Variants in GFRA1 observed in about 807,000 individuals in gnomAD.
GFRA1 encodes GDNF family receptor alpha 1, also known as GDNF family receptor alpha-1.
In GFRA1, 16 loss-of-function variants were observed where a neutral mutation model predicts 51.6. The ratio of observed to expected loss-of-function variants is 0.31; its 90% CI spans 0.21 to 0.47. GFRA1 has a LOEUF of 0.47. Among genes scored for constraint, GFRA1 ranks in the 20% least tolerant of loss-of-function variants. The pLI, the probability that GFRA1 is intolerant of heterozygous loss-of-function variation, is 1.00. For missense variants in GFRA1, 530 were observed against 594.3 expected (o/e 0.89, Z 1.13); for synonymous variants, 270 against 241.3 (o/e 1.12, Z -1.10).
intron 5 of GFRA1, among the ~76,000 whole-genome samples, chr10:116,135,351 C>G (rs996354451): frequency 1.7e-4 from 26 of 152,186 alleles, no homozygotes; most frequent in African/African-American, 6.3e-4. Flanking sequence ...TTTAACTTAG[C>G]ATTTAAATCC....
chr10:116,123,138 G>A (rs1000688080), intron 6 of GFRA1, among the ~76,000 whole-genome samples: 3 of 152,182 alleles, frequency 2.0e-5, no homozygotes, highest in African/African-American at 7.2e-5. Flanking sequence ...TCAGCAGAGG[G>A]TGCTTCGACA....
intron 5 of GFRA1, among the ~76,000 whole-genome samples, chr10:116,138,643 C>A (rs183374380): frequency 6.9e-6 from 1 of 145,586 alleles, no homozygotes; most frequent in Non-Finnish European, 1.5e-5. Flanking sequence ...GAACCCCCCC[C>A]CGACCCACCC....
chr10:116,120,902 T>C (rs1957615463), intron 6 of GFRA1, among the ~76,000 whole-genome samples: 1 of 152,174 alleles, frequency 6.6e-6, no homozygotes, highest in Non-Finnish European at 1.5e-5. Flanking sequence ...AGCGACCCCA[T>C]GTGGCAGCAG....
At chr10:116,236,049 A>G (rs1432966929) in intron 4 of GFRA1, among the ~76,000 whole-genome samples, 1 of 152,134 alleles carries the variant, frequency 6.6e-6, no homozygotes, top group Non-Finnish European at 1.5e-5. Context: ...CCCTCAGCAC[A>G]ATGACAGAAG....
chr10:116,198,494 C>T (rs1041635876), intron 5 of GFRA1, among the ~76,000 whole-genome samples: 2 of 152,160 alleles, frequency 1.3e-5, no homozygotes, highest in Admixed American at 6.5e-5. Flanking sequence ...TACACTGTAC[C>T]CATGGATTTA....
chr10:116,242,546 G>T (rs1293419643), intron 4 of GFRA1, among the ~76,000 whole-genome samples: 2 of 151,804 alleles, frequency 1.3e-5, no homozygotes, highest in Non-Finnish European at 2.9e-5. Context: ...CAGTGGTGCG[G>T]TCTTGGCTCA....
At chr10:116,140,099 G>A (rs1958500076) in intron 5 of GFRA1, among the ~76,000 whole-genome samples, 1 of 152,178 alleles carries the variant, frequency 6.6e-6, no homozygotes, top group Admixed American at 6.5e-5. Flanking sequence ...TGACCCAAGA[G>A]AACCTAGAGA....
intron 5 of GFRA1, among the ~76,000 whole-genome samples, chr10:116,195,563 C>A (rs1037365809): frequency 2.0e-5 from 3 of 152,238 alleles, no homozygotes; most frequent in African/African-American, 7.2e-5. Context: ...AATGCCACTG[C>A]TGATCTGACA....
chr10:116,220,714 A>G (rs1359273134), intron 4 of GFRA1, among the ~76,000 whole-genome samples: 1 of 152,190 alleles, frequency 6.6e-6, no homozygotes, highest in African/African-American at 2.4e-5. Flanking sequence ...GCTTGACCTC[A>G]GTTTTAGGAG....
At chr10:116,159,380 A>T (rs141051829) in intron 5 of GFRA1, among the ~76,000 whole-genome samples, 306 of 152,300 alleles carry the variant, frequency 2.0e-3, no homozygotes, top group African/African-American at 7.2e-3. Flanking sequence ...AGCACTTTTC[A>T]TCACTGCAGA....
chr10:116,229,563 C>T (rs1966552050), intron 4 of GFRA1, among the ~76,000 whole-genome samples: 1 of 152,116 alleles, frequency 6.6e-6, no homozygotes, highest in Non-Finnish European at 1.5e-5. Flanking sequence ...GAATCTTATT[C>T]CTAAGAGTGC....
chr10:116,179,715 A>G (rs1276231703), intron 5 of GFRA1, among the ~76,000 whole-genome samples: 1 of 152,184 alleles, frequency 6.6e-6, no homozygotes, highest in Non-Finnish European at 1.5e-5. Flanking sequence ...GAGGGCTTGG[A>G]AAGGACACTC....
intron 5 of GFRA1, among the ~76,000 whole-genome samples, chr10:116,136,339 A>G (rs1308765879): frequency 1.3e-5 from 2 of 152,254 alleles, no homozygotes; most frequent in Non-Finnish European, 1.5e-5. Context: ...CTGTAGCTCC[A>G]CTAATATTTA....
chr10:116,268,687 CAT>C (rs1258438328), intron 4 of GFRA1, among the ~76,000 whole-genome samples: 1 of 152,010 alleles, frequency 6.6e-6, no homozygotes, highest in Non-Finnish European at 1.5e-5. Context: ...CACTGAGAGA[CAT>C]ATAATTTGTG....
At chr10:116,145,794 A>C (rs766088612) in intron 5 of GFRA1, among the ~76,000 whole-genome samples, 3 of 152,166 alleles carry the variant, frequency 2.0e-5, no homozygotes. Context: ...CGCTATTATA[A>C]CCCAAATGCC....
intron 3 of GFRA1, among the ~76,000 whole-genome samples, chr10:116,270,416 G>A (rs1210387272): frequency 6.6e-6 from 1 of 152,190 alleles, no homozygotes; most frequent in East Asian, 1.9e-4. Context: ...AAGGGAACAA[G>A]ACAGGGGGAG....
At chr10:116,112,536 T>G (rs1420356524) in intron 6 of GFRA1, among the ~76,000 whole-genome samples, 2 of 152,196 alleles carry the variant, frequency 1.3e-5, no homozygotes, top group African/African-American at 2.4e-5. Context: ...AAGCCCCTAC[T>G]TGGTAAGAGA....
At chr10:116,145,893 T>C (rs1053738060) in intron 5 of GFRA1, among the ~76,000 whole-genome samples, 4 of 152,152 alleles carry the variant, frequency 2.6e-5, no homozygotes, top group Admixed American at 6.5e-5. Flanking sequence ...ACAAGAGCTA[T>C]AGTATATCAA....
At chr10:116,106,188 C>T (rs549892133) in intron 6 of GFRA1, among the ~76,000 whole-genome samples, 1 of 152,166 alleles carries the variant, frequency 6.6e-6, no homozygotes, top group East Asian at 1.9e-4. Context: ...CTGCTGACAC[C>T]TTGATTTCAG....
Sources: allele counts gnomAD v4.1 joint callset (sites outside exome capture counted in the v4.1 genomes callset), GRCh38; gene constraint gnomAD v4.1.1; transcripts MANE v1.5; gene names NCBI Gene and HGNC (gene_info 2026-07-23, HGNC 2026-07-21).